Variants in EYS observed in about 807,000 individuals in gnomAD.
The protein encoded by EYS is EGF-like photoreceptor maintenance factor.
In EYS, 250 loss-of-function variants were observed where a neutral mutation model predicts 282.1. That is an observed-to-expected ratio of 0.89 (90% CI 0.80 to 0.98). The LOEUF (loss-of-function observed/expected upper bound fraction) is 0.98, where lower values mean the gene tolerates loss of function less well. Ranked by LOEUF, EYS falls within the 50% of genes least tolerant of loss-of-function variation. The pLI is 0.00. For missense variants in EYS, 4,016 were observed against 3,709.0 expected (o/e 1.08, Z -2.15); for synonymous variants, 1,355 against 1,282.9 (o/e 1.06, Z -1.20).
chr6:63,835,353 A>G (rs779549481), intron 36 of EYS, among the ~76,000 whole-genome samples: 6 of 151,656 alleles, frequency 4.0e-5, no homozygotes, highest in Non-Finnish European at 7.4e-5. Context: ...ATATATACAC[A>G]CACACACACA....
chr6:64,032,664 G>A (rs1416595482), intron 33 of EYS, among the ~76,000 whole-genome samples: 1 of 152,148 alleles, frequency 6.6e-6, no homozygotes, highest in Non-Finnish European at 1.5e-5. Flanking sequence ...CAAATTGGGG[G>A]TACACACAGC....
At chr6:65,260,907 TC>T (rs1200851087) in intron 12 of EYS, among the ~76,000 whole-genome samples, 1 of 152,106 alleles carries the variant, frequency 6.6e-6, no homozygotes, top group Non-Finnish European at 1.5e-5. Flanking sequence ...AATTATTTGT[TC>T]TTTGACTCTA....
intron 12 of EYS, among the ~76,000 whole-genome samples, chr6:65,177,467 C>A (rs149730455): frequency 6.6e-6 from 1 of 151,802 alleles, no homozygotes; most frequent in African/African-American, 2.4e-5. Flanking sequence ...GCAGTTGAGT[C>A]TTTTACTATA....
intron 26 of EYS, among the ~76,000 whole-genome samples, chr6:64,499,132 G>A (rs1240217375): frequency 6.6e-6 from 1 of 151,934 alleles, no homozygotes; most frequent in East Asian, 1.9e-4. Context: ...TGTTATTTCC[G>A]GACATTTTAA....
chr6:64,020,666 A>G (rs1336441548), intron 33 of EYS, among the ~76,000 whole-genome samples: 1 of 152,112 alleles, frequency 6.6e-6, no homozygotes, highest in Non-Finnish European at 1.5e-5. Flanking sequence ...TTGGGGATGG[A>G]TTATATTTAC....
rs1281357857 is a variant in EYS at position 65,690,341 on chromosome 6, C to G, written c.-448+16794G>C. Reference sequence around the variant, plus strand: ...CTTAACCCTAAACAGACCTAGAAGACCCGTGGCAAGATGAGGGCGTTTATA... The same window carrying G: ...CTTAACCCTAAACAGACCTAGAAGAGCCGTGGCAAGATGAGGGCGTTTATA... On this transcript the variant is annotated intron_variant, in intron 1 of 42. Coordinates refer to ENST00000503581, the MANE Select transcript of EYS (RefSeq NM_001142800.2). Among the ~76,000 whole-genome samples, 7 of 149,898 alleles carry G rather than the reference C, an allele frequency of 4.7e-5. 1 individual carries two copies. In the East Asian group the frequency reaches 1.6e-3, roughly 35 times the overall value.
chr6:65,032,439 T>C (rs1772633829), intron 13 of EYS, among the ~76,000 whole-genome samples: 1 of 152,220 alleles, frequency 6.6e-6, no homozygotes, highest in African/African-American at 2.4e-5. Flanking sequence ...TCATTGCTTA[T>C]GCTATCTCTG....
chr6:65,027,488 C>T (rs1324574522), intron 13 of EYS, among the ~76,000 whole-genome samples: 1 of 152,148 alleles, frequency 6.6e-6, no homozygotes, highest in Non-Finnish European at 1.5e-5. Flanking sequence ...TTTTGACAAA[C>T]ATGTGTACCA....
intron 2 of EYS, among the ~76,000 whole-genome samples, chr6:65,603,396 T>C (rs1765677926): frequency 6.6e-6 from 1 of 151,972 alleles, no homozygotes; most frequent in Non-Finnish European, 1.5e-5. Context: ...TGGGATAATA[T>C]CTCTGTAAGG....
chr6:65,309,985 G>A (rs994952412), intron 11 of EYS, among the ~76,000 whole-genome samples: 2 of 152,078 alleles, frequency 1.3e-5, no homozygotes, highest in Non-Finnish European at 2.9e-5. Context: ...GATCCTTTCA[G>A]TATGCATTGG....
At chr6:65,149,188 A>G (rs1220483783) in intron 12 of EYS, among the ~76,000 whole-genome samples, 2 of 151,614 alleles carry the variant, frequency 1.3e-5, no homozygotes, top group South Asian at 2.1e-4. Flanking sequence ...TTTCTTTTCA[A>G]TTGCATCATC....
At chr6:64,990,223 TG>T (rs1325149368) in intron 14 of EYS, among the ~76,000 whole-genome samples, 2 of 151,562 alleles carry the variant, frequency 1.3e-5, no homozygotes, top group Non-Finnish European at 3.0e-5. Flanking sequence ...TATTTCTCTA[TG>T]AACCCCTTAA....
chr6:64,617,622 A>C (rs1193350202), intron 23 of EYS, 89 bp from the exon 24 acceptor site: 13 of 727,614 alleles, frequency 1.8e-5, no homozygotes, highest in South Asian at 3.4e-5. Context: ...GGCTTTTACT[A>C]TTTGAAATAA....
intron 31 of EYS, among the ~76,000 whole-genome samples, chr6:64,211,673 TCATA>T (rs1348907334): frequency 7.6e-6 from 1 of 132,374 alleles, no homozygotes; most frequent in Admixed American, 7.7e-5. Context: ...AAAATTTAAT[TCATA>T]CATAATTATA....
intron 30 of EYS, among the ~76,000 whole-genome samples, chr6:64,246,133 C>T (rs1767012234): frequency 6.7e-6 from 1 of 149,144 alleles, no homozygotes; most frequent in Admixed American, 6.7e-5. Flanking sequence ...GAAGATTTTC[C>T]TCCTCCTACA....
At chr6:63,912,616 T>G (rs1329676362) in intron 35 of EYS, among the ~76,000 whole-genome samples, 1 of 152,198 alleles carries the variant, frequency 6.6e-6, no homozygotes, top group Non-Finnish European at 1.5e-5. Context: ...AAATCTCTTA[T>G]GTTGAAATGT....
chr6:64,606,137 T>G (rs1322112493), intron 24 of EYS, among the ~76,000 whole-genome samples: 1 of 152,008 alleles, frequency 6.6e-6, no homozygotes, highest in Non-Finnish European at 1.5e-5. Context: ...AAAAAAAATC[T>G]TAAATAGTTG....
rs535842559 is a variant in EYS, at chr6:64,733,435, T to C, written c.3443+79943A>G. 49 of 185,264 alleles carry C rather than the reference T, an allele frequency of 2.6e-4. 2 individuals carry two copies. The South Asian group carries it at 5.0e-3, about 19-fold the overall frequency. 11.5% of individuals were successfully genotyped at this position (185,264 alleles called of 1,614,324 possible). ...TTCACAACATCATCTACTCTGGGGATGATCCACTTGGCCACCACAATGATG... is the reference window on the plus strand; with the variant it reads ...TTCACAACATCATCTACTCTGGGGACGATCCACTTGGCCACCACAATGATG... On this transcript the variant is annotated intron_variant, in intron 22 of 42. Transcript: ENST00000503581.
intron 22 of EYS, among the ~76,000 whole-genome samples, chr6:64,792,701 T>C (rs1243696584): frequency 6.6e-6 from 1 of 152,082 alleles, no homozygotes; most frequent in Non-Finnish European, 1.5e-5. Flanking sequence ...TGTACCCGTG[T>C]CCAAAAGTTG....
Sources: gnomAD v4.1 joint callset for allele counts (sites outside exome capture counted in the v4.1 genomes callset) on GRCh38, gnomAD v4.1.1 for gene constraint, MANE v1.5 for transcripts, NCBI Gene and HGNC (gene_info 2026-07-23, HGNC 2026-07-21) for gene names.